The following MEAK7 variants were observed in gnomAD, a reference collection of about 807,000 sequenced individuals.
MEAK7 encodes MTOR associated protein MEAK7.
A neutral mutation model predicts 40.5 loss-of-function variants in MEAK7; 68 were observed. The observed-to-expected ratio is 1.68, with a 90% CI of 1.38 to 2.06. MEAK7 has a LOEUF of 2.06. Ranked by LOEUF, MEAK7 falls within the 30% of genes most tolerant of loss-of-function variation. MEAK7 has a pLI of 0.00. For missense variants in MEAK7, 918 were observed against 580.5 expected (o/e 1.58, Z -5.98); for synonymous variants, 338 against 231.9 (o/e 1.46, Z -4.16).
rs1429617921 is a variant in MEAK7 at position 84,479,414 on chromosome 16, T to C, written c.*499A>G. ...TGCTAATGCCAGCGGAATTCCCTAATGCCAGCGGAATTCCCTAATGCCAGC... is the reference window on the plus strand; with the variant it reads ...TGCTAATGCCAGCGGAATTCCCTAACGCCAGCGGAATTCCCTAATGCCAGC... On this transcript the variant is annotated 3_prime_UTR_variant, in exon 8 of 8. Coordinates refer to ENST00000343629, the MANE Select transcript of MEAK7 (RefSeq NM_020947.4). 2.7e-5 allele frequency: 4 copies of C among 149,956 alleles called. No individual in the cohort carries two copies. The highest frequency in any genetic ancestry group is 7.4e-5 in the African/African-American group (3 of 40,462). The allele number at this position is 149,956 out of a possible 1,614,324, so 9.3% of individuals were successfully genotyped here. A position where few individuals can be genotyped will look rare whatever the true frequency, so the allele number is the denominator to read the frequency against.
rs1431775834 is a variant in MEAK7, at chr16:84,489,300, C to G, written c.507G>C (p.Leu169=). The part of the protein sequence containing the change: ...NPRVQVLAAQ[L]LSDMKLQDGK... ...TGCCTTGCAGCTTCATGTCAGAGAG[C>G]AGCTGAGCAGCCAGCACCTGCACCC... The change falls in exon 4 of 8, where the codon CTG becomes CTC. Residue 169 remains leucine (L), a synonymous_variant. Transcript: ENST00000343629. 12 of 1,614,090 alleles carry G rather than the reference C, an allele frequency of 7.4e-6. No homozygotes were observed. Among genetic ancestry groups the G allele is most frequent in the Non-Finnish European group, 1.0e-5 (12 of 1,179,976 alleles).
At position 84,479,916 on chromosome 16, in the gene MEAK7, T is replaced by C. The variant is rs1252161840; in HGVS notation, c.1368A>G (p.Glu456=). Residue 456 remains glutamate, a synonymous_variant, in exon 8 of 8, where the codon GAA becomes GAG. Transcript: ENST00000343629. ...SEGLREVPDD[E] is the part of the protein sequence containing the mutation. Reference sequence around the variant, plus strand: ...CCAGGAAGGCTCAGGCGGCTCCTCATTCATCGTCCGGGACTTCCCGGAGCC... The same window carrying C: ...CCAGGAAGGCTCAGGCGGCTCCTCACTCATCGTCCGGGACTTCCCGGAGCC... 1 of 1,595,024 alleles carries C rather than the reference T, an allele frequency of 6.3e-7. No homozygotes were observed. Among genetic ancestry groups the C allele is most frequent in the Non-Finnish European group, 8.6e-7 (1 of 1,166,626 alleles).
In MEAK7 at chr16:84,480,619, C is replaced by A. The variant is rs755714514; in HGVS notation, c.1167G>T (p.Thr389=). The change falls in exon 7 of 8, where the codon ACG becomes ACT. Residue 389 remains threonine, a synonymous_variant. Transcript: ENST00000343629. ...GHSRAKPTCT[T]YNSPQLSAQE... ...GAGCCGACAGCTGCGGGCTGTTGTA[C>A]GTGGTGCACGTGGGCTTGGCTCTGC... 7 of 1,614,068 alleles carry A rather than the reference C, an allele frequency of 4.3e-6. No individual in the cohort carries two copies. The highest frequency in any genetic ancestry group is 5.9e-6 in the Non-Finnish European group (7 of 1,179,976).
intron 1 of MEAK7, chr16:84,504,225 A>T (rs1270520121): frequency 1.1e-6 from 1 of 913,954 alleles, no homozygotes; most frequent in African/African-American, 1.8e-5. Context: ...TCTACCCCAG[A>T]CTCGCCTCCT....
At chr16:84,490,278 G>C (rs1913455039) in intron 3 of MEAK7, among the ~76,000 whole-genome samples, 1 of 122,966 alleles carries the variant, frequency 8.1e-6, no homozygotes, top group South Asian at 2.3e-4. Flanking sequence ...CCATAGCTGG[G>C]GGAAAAAAAA....
At chr16:84,490,675 T>C (rs1220825723) in intron 3 of MEAK7, among the ~76,000 whole-genome samples, 2 of 150,318 alleles carry the variant, frequency 1.3e-5, no homozygotes, top group African/African-American at 4.9e-5. Context: ...TGTGTGTGTG[T>C]GTGTGTGTGT....
chr16:84,482,464 G>A, intron 6 of MEAK7, 128 bp downstream of exon 6: 2 of 1,472,312 alleles, frequency 1.4e-6, no homozygotes, highest in East Asian at 4.6e-5. Flanking sequence ...AGAAGGAACT[G>A]GACATGGCGT....
chr16:84,480,682 A>G lies in MEAK7; in HGVS notation c.1104T>C (p.Phe368=). The part of the protein sequence containing the change: ...GLGMGGQHNY[F]GLWVDVDFGK... ...CAAAATCAACATCCACCCAAAGCCC[A>G]AAGTAATTGTGCTGCCCCCCCATAC... is the stretch of plus-strand genomic sequence containing the variant. Residue 368 remains phenylalanine, a synonymous_variant, in exon 7 of 8, where the codon TTT becomes TTC. Coordinates refer to ENST00000343629, the MANE Select transcript of MEAK7 (RefSeq NM_020947.4). 6.2e-7 allele frequency: 1 copy of G among 1,613,698 alleles called. No homozygotes were observed.
chr16:84,501,731 A>C (rs548414039), intron 1 of MEAK7, among the ~76,000 whole-genome samples: 3 of 152,250 alleles, frequency 2.0e-5, no homozygotes, highest in South Asian at 2.1e-4. Context: ...GGCAGCCCCT[A>C]AGAACACAGC....
rs530800469 is a variant in MEAK7 at position 84,504,260 on chromosome 16, G to A, written c.-26+341C>T. ...TCCGTGGAGGCACCCCTCCCTTTCC[G>A]CGTCTACACAGGCTCTGAATCCCCC... On this transcript the variant is annotated intron_variant, in intron 1 of 7. Transcript: ENST00000343629. The A allele has an allele frequency of 9.5e-6, 6 of 634,768 alleles. No individual in the cohort carries two copies. In the South Asian group the frequency reaches 2.1e-4, roughly 22 times the overall value. The allele number at this position is 634,768 out of a possible 1,614,324, so 39.3% of individuals were successfully genotyped here.
chr16:84,499,378 G>C (rs1241256025), intron 1 of MEAK7, among the ~76,000 whole-genome samples: 3 of 152,142 alleles, frequency 2.0e-5, no homozygotes, highest in Non-Finnish European at 4.4e-5. Context: ...CAAAGTCACT[G>C]CAGCAGTAAA....
chr16:84,484,257 G>C (rs1357706188), intron 5 of MEAK7, among the ~76,000 whole-genome samples: 3 of 152,196 alleles, frequency 2.0e-5, no homozygotes, highest in Non-Finnish European at 2.9e-5. Flanking sequence ...GACCTGATGA[G>C]TTATGATTAT....
At position 84,496,583 on chromosome 16, in the gene MEAK7, C is replaced by T. The variant is rs139070699; in HGVS notation, c.154-670G>A. 3.0e-3 allele frequency among the ~76,000 whole-genome samples: 456 copies of T among 152,264 alleles called. 3 individuals carry two copies. The highest frequency in any genetic ancestry group is 0.01 in the African/African-American group (436 of 41,546). Reference sequence around the variant, plus strand: ...TGGTGTTCTTCCACTCATCGTGAGCCGTATCAGTAGTATCACAGGAAAATA... The same window carrying T: ...TGGTGTTCTTCCACTCATCGTGAGCTGTATCAGTAGTATCACAGGAAAATA... On this transcript the variant is annotated intron_variant, in intron 2 of 7. Coordinates refer to ENST00000343629, the MANE Select transcript of MEAK7 (RefSeq NM_020947.4).
chr16:84,498,311 C>G (rs1472915922), intron 1 of MEAK7, among the ~76,000 whole-genome samples, 200 bp from the exon 2 acceptor site: 2 of 152,144 alleles, frequency 1.3e-5, no homozygotes, highest in African/African-American at 2.4e-5. Flanking sequence ...CTCTGCTGAC[C>G]AGGCTGGAGT....
chr16:84,484,603 T>C (rs958774971), intron 5 of MEAK7, among the ~76,000 whole-genome samples: 1 of 152,230 alleles, frequency 6.6e-6, no homozygotes, highest in Non-Finnish European at 1.5e-5. Flanking sequence ...TTAAAAAGGT[T>C]TACGAAGCCA....
intron 1 of MEAK7, chr16:84,504,272 G>A (rs1230643863): frequency 5.6e-6 from 3 of 533,486 alleles, no homozygotes; most frequent in South Asian, 8.2e-5. Flanking sequence ...GTCTACACAG[G>A]CTCTGAATCC....
At chr16:84,496,851 T>A (rs984112595) in intron 2 of MEAK7, among the ~76,000 whole-genome samples, 1 of 152,114 alleles carries the variant, frequency 6.6e-6, no homozygotes, top group African/African-American at 2.4e-5. Flanking sequence ...ACTTTGAACA[T>A]CATCTTCATT....
chr16:84,489,521 A>C, intron 3 of MEAK7, 99 bp from the exon 4 acceptor site: 2 of 1,332,476 alleles, frequency 1.5e-6, no homozygotes, highest in Non-Finnish European at 2.1e-6. Context: ...AACACCAACT[A>C]TGATGGGCCA....
chr16:84,497,714 G>A, intron 2 of MEAK7: 1 of 1,409,770 alleles, frequency 7.1e-7, no homozygotes, highest in Non-Finnish European at 9.6e-7. Context: ...ACTGTCTATG[G>A]CTATTTTCAC....
Sources: gnomAD v4.1 joint callset for allele counts (sites outside exome capture counted in the v4.1 genomes callset) on GRCh38, gnomAD v4.1.1 for gene constraint, MANE v1.5 for transcripts, NCBI Gene and HGNC (gene_info 2026-07-23, HGNC 2026-07-21) for gene names.